Variants in TACR1 observed in about 807,000 individuals in gnomAD.
The protein encoded by TACR1 is tachykinin receptor 1, also known as substance-P receptor.
In TACR1, 25 loss-of-function variants were observed where a neutral mutation model predicts 35.8. The ratio of observed to expected loss-of-function variants is 0.70; its 90% CI spans 0.51 to 0.98. The LOEUF is 0.98. TACR1 is among the 50% of genes least tolerant of loss of function. TACR1 has a pLI of 0.00. For missense variants in TACR1, 478 were observed against 522.9 expected, an observed-to-expected ratio of 0.91 and a Z score of 0.84; for synonymous variants, 195 against 206.7, an observed-to-expected ratio of 0.94 and a Z score of 0.48.
chr2:75,094,693 G>A (rs1673378008), intron 2 of TACR1, among the ~76,000 whole-genome samples: 4 of 151,542 alleles, frequency 2.6e-5, no homozygotes, highest in Admixed American at 2.6e-4. Context: ...GTGAGGAAGT[G>A]GTGGAAATGG....
intron 2 of TACR1, among the ~76,000 whole-genome samples, chr2:75,118,171 T>A (rs1353976876): frequency 6.6e-6 from 1 of 152,208 alleles, no homozygotes; most frequent in Non-Finnish European, 1.5e-5. Flanking sequence ...AGAATATAAT[T>A]AAGTAGTCTG....
chr2:75,063,575 AT>A (rs1672708435), intron 2 of TACR1, among the ~76,000 whole-genome samples: 1 of 152,118 alleles, frequency 6.6e-6, no homozygotes, highest in South Asian at 2.1e-4. Context: ...GATGATTTAA[AT>A]TTGCACTTGG....
At chr2:75,146,053 C>T (rs1385677262) in intron 1 of TACR1, among the ~76,000 whole-genome samples, 1 of 151,996 alleles carries the variant, frequency 6.6e-6, no homozygotes, top group Non-Finnish European at 1.5e-5. Context: ...ACAGAGCGGG[C>T]AGTAAAGGAG....
chr2:75,094,861 T>TATATATATATATATATATATATA (rs1558551241), intron 2 of TACR1, among the ~76,000 whole-genome samples: 1 of 60,730 alleles, frequency 1.6e-5, no homozygotes, highest in Non-Finnish European at 3.1e-5. Context: ...ATATATATAT[T>TATATATATATATATATATATATA]TTTTTTTTTT....
At chr2:75,155,981 TAAAAA>T (rs1326261692) in intron 1 of TACR1, among the ~76,000 whole-genome samples, 1 of 152,108 alleles carries the variant, frequency 6.6e-6, no homozygotes, top group Non-Finnish European at 1.5e-5. Flanking sequence ...TTGAAAAAAA[TAAAAA>T]GAAGACTATT....
At chr2:75,052,059 G>A (rs1672479911) in intron 3 of TACR1, among the ~76,000 whole-genome samples, 1 of 152,154 alleles carries the variant, frequency 6.6e-6, no homozygotes, top group Non-Finnish European at 1.5e-5. Flanking sequence ...ATGTTTAAAA[G>A]CGATTTAAAA....
intron 2 of TACR1, among the ~76,000 whole-genome samples, chr2:75,102,732 A>G (rs757149576): frequency 3.3e-5 from 5 of 152,160 alleles, no homozygotes; most frequent in Non-Finnish European, 7.4e-5. Flanking sequence ...TCAAGCAGCC[A>G]TTGGTAAGTA....
chr2:75,160,020 A>G (rs3771845), intron 1 of TACR1, among the ~76,000 whole-genome samples: 13,650 of 152,244 alleles, frequency 0.09, 814 homozygotes, highest in South Asian at 0.21. Context: ...ATATATTCAC[A>G]CTACATACAA....
At chr2:75,132,568 T>C (rs905748819) in intron 1 of TACR1, among the ~76,000 whole-genome samples, 1 of 152,250 alleles carries the variant, frequency 6.6e-6, no homozygotes, top group African/African-American at 2.4e-5. Context: ...AGTGTCTCTG[T>C]TAACTCTAAT....
At chr2:75,091,170 C>T (rs1010522936) in intron 2 of TACR1, among the ~76,000 whole-genome samples, 1 of 136,630 alleles carries the variant, frequency 7.3e-6, no homozygotes, top group African/African-American at 2.8e-5. Context: ...CTCCTTCCTG[C>T]AGTCCTCAAT....
intron 1 of TACR1, among the ~76,000 whole-genome samples, chr2:75,129,088 AAAGAAAG>A (rs1480432260): frequency 5.9e-5 from 9 of 152,198 alleles, no homozygotes; most frequent in African/African-American, 7.2e-5. Flanking sequence ...AGTAAGAAAA[AAAGAAAG>A]AAGAGAGTAG....
chr2:75,167,283 G>T (rs1172547530), intron 1 of TACR1, among the ~76,000 whole-genome samples: 1 of 152,184 alleles, frequency 6.6e-6, no homozygotes, highest in Admixed American at 6.5e-5. Context: ...ATGACTTAAT[G>T]ATTCTAAAGT....
chr2:75,197,374 AT>A (rs886333183), intron 1 of TACR1, among the ~76,000 whole-genome samples: 1 of 152,132 alleles, frequency 6.6e-6, no homozygotes, highest in African/African-American at 2.4e-5. Context: ...GTAGTTTGGA[AT>A]TTTTTTTGAA....
At chr2:75,149,150 T>C (rs1408369481) in intron 1 of TACR1, among the ~76,000 whole-genome samples, 2 of 152,146 alleles carry the variant, frequency 1.3e-5, no homozygotes, top group Non-Finnish European at 2.9e-5. Flanking sequence ...TGAAGTCAGG[T>C]AGCATGATGC....
At chr2:75,079,044 G>A (rs1673030826) in intron 2 of TACR1, among the ~76,000 whole-genome samples, 2 of 152,020 alleles carry the variant, frequency 1.3e-5, no homozygotes, top group Non-Finnish European at 2.9e-5. Flanking sequence ...ACCAGTGCTG[G>A]GGAGCTCACC....
chr2:75,100,995 C>T (rs922965480), intron 2 of TACR1, among the ~76,000 whole-genome samples: 3 of 151,306 alleles, frequency 2.0e-5, no homozygotes, highest in Admixed American at 6.6e-5. Context: ...GAAATGAGTT[C>T]CAATGTCTAT....
chr2:75,094,859 A>ATATATTTTTTTTTTTTTTTTT, intron 2 of TACR1, among the ~76,000 whole-genome samples: 6 of 113,130 alleles, frequency 5.3e-5, no homozygotes, highest in African/African-American at 1.9e-4. Context: ...ATATATATAT[A>ATATATTTTTTTTTTTTTTTTT]TTTTTTTTTT....
At position 75,122,056 on chromosome 2, in the gene TACR1, A is replaced by G. The variant is rs116670624; in HGVS notation, c.390-1288T>C. ...CCCACTGGACACCTGCCGCACATAG[A>G]GCACAGCGTTTCCTTCTGGGCTATA... On this transcript the variant is annotated intron_variant, in intron 1 of 4. Coordinates refer to ENST00000305249, the MANE Select transcript of TACR1 (RefSeq NM_001058.4). Among the ~76,000 whole-genome samples, 1,195 of 152,308 alleles carry G rather than the reference A, an allele frequency of 7.8e-3. 14 individuals carry two copies. Among genetic ancestry groups the G allele is most frequent in the African/African-American group, 0.028 (1,144 of 41,558 alleles).
intron 1 of TACR1, among the ~76,000 whole-genome samples, chr2:75,150,022 G>A (rs1269356876): frequency 1.3e-5 from 2 of 152,142 alleles, no homozygotes; most frequent in Non-Finnish European, 1.5e-5. Context: ...CACTGGTTCC[G>A]TTTATGTGAT....
Sources: allele counts gnomAD v4.1 joint callset (sites outside exome capture counted in the v4.1 genomes callset), GRCh38; gene constraint gnomAD v4.1.1; transcripts MANE v1.5; gene names NCBI Gene and HGNC (gene_info 2026-07-23, HGNC 2026-07-21).